The following NSMCE2 variants were observed in gnomAD, a reference collection of about 807,000 sequenced individuals.
The protein encoded by NSMCE2 is NSE2 SUMO ligase component of SMC5/6 complex, also known as E3 SUMO-protein ligase NSE2.
NSMCE2 carries 24 observed loss-of-function variants against 23.8 expected under a neutral mutation model. The observed-to-expected ratio is 1.01, with a 90% CI of 0.73 to 1.42. NSMCE2 has a LOEUF of 1.42. Among genes scored for constraint, NSMCE2 ranks in the 40% most tolerant of loss-of-function variants. The pLI is 0.00. For missense variants in NSMCE2, 284 were observed against 296.5 expected, an observed-to-expected ratio of 0.96 and a Z score of 0.31; for synonymous variants, 92 against 94.1, an observed-to-expected ratio of 0.98 and a Z score of 0.13.
rs1022428228 is a variant in NSMCE2, at chr8:125,366,997, G to C, written c.*112G>C. On this transcript the variant is annotated 3_prime_UTR_variant, in exon 8 of 8. Coordinates refer to ENST00000287437, the MANE Select transcript of NSMCE2 (RefSeq NM_173685.4). ...GACTGGCTGCATAGCATACTTGTTG[G>C]GGGTAAAACTTGTTGCTTTTATGTG... 3 of 644,704 alleles carry C rather than the reference G, an allele frequency of 4.7e-6. No individual in the cohort carries two copies. Among genetic ancestry groups the C allele is most frequent in the African/African-American group, 1.8e-5 (1 of 55,448 alleles). 39.9% of individuals were successfully genotyped at this position (644,704 alleles called of 1,614,324 possible). A position where few individuals can be genotyped will look rare whatever the true frequency, so the allele number is the denominator to read the frequency against.
chr8:125,111,049 AATTG>A (rs1029701054), intron 3 of NSMCE2, among the ~76,000 whole-genome samples: 2 of 152,092 alleles, frequency 1.3e-5, no homozygotes, highest in African/African-American at 2.4e-5. Flanking sequence ...TGATTCATCA[AATTG>A]ATTGAATGAT....
intron 5 of NSMCE2, among the ~76,000 whole-genome samples, chr8:125,251,655 T>C (rs190780560): frequency 6.6e-6 from 1 of 152,358 alleles, no homozygotes; most frequent in East Asian, 1.9e-4. Context: ...CAACCACTTA[T>C]TGGATGCCCG....
chr8:125,116,156 C>G (rs1374269494), intron 3 of NSMCE2, among the ~76,000 whole-genome samples: 1 of 152,166 alleles, frequency 6.6e-6, no homozygotes, highest in East Asian at 1.9e-4. Context: ...ATCAGACATC[C>G]AGTTCTTATT....
At chr8:125,254,629 A>G (rs571576128) in intron 5 of NSMCE2, among the ~76,000 whole-genome samples, 21 of 151,090 alleles carry the variant, frequency 1.4e-4, no homozygotes, top group Non-Finnish European at 2.7e-4. Flanking sequence ...ATAAAGGACT[A>G]TAATTTGATT....
At chr8:125,193,959 T>G (rs905794997) in intron 5 of NSMCE2, among the ~76,000 whole-genome samples, 1 of 152,218 alleles carries the variant, frequency 6.6e-6, no homozygotes, top group African/African-American at 2.4e-5. Flanking sequence ...CCTTGAAATA[T>G]CAGAAAGTGT....
At chr8:125,113,217 G>T (rs1461623813) in intron 3 of NSMCE2, among the ~76,000 whole-genome samples, 1 of 152,064 alleles carries the variant, frequency 6.6e-6, no homozygotes, top group East Asian at 1.9e-4. Flanking sequence ...AACTGTTGTG[G>T]TGGCTCACAC....
intron 4 of NSMCE2, 39 bp downstream of exon 4, chr8:125,151,316 A>G: frequency 9.5e-7 from 1 of 1,048,160 alleles, no homozygotes; most frequent in Non-Finnish European, 1.5e-6. Flanking sequence ...ATTTGGTTAC[A>G]ACTCACTGAC....
intron 5 of NSMCE2, among the ~76,000 whole-genome samples, chr8:125,226,852 T>C (rs548406031): frequency 6.6e-6 from 1 of 152,246 alleles, no homozygotes; most frequent in African/African-American, 2.4e-5. Context: ...GCTTTCTCCC[T>C]TAGTTTCCTC....
chr8:125,196,100 T>G (rs1405017382), intron 5 of NSMCE2, among the ~76,000 whole-genome samples: 1 of 151,860 alleles, frequency 6.6e-6, no homozygotes. Context: ...AGGCTCCTGG[T>G]CTCGACCTCC....
chr8:125,178,824 C>T (rs571500845), intron 4 of NSMCE2, among the ~76,000 whole-genome samples: 12 of 151,952 alleles, frequency 7.9e-5, no homozygotes, highest in African/African-American at 4.8e-5. Context: ...GAGCCGAGAT[C>T]GTGCCACTAC....
chr8:125,303,999 G>C (rs1828660938), intron 5 of NSMCE2, among the ~76,000 whole-genome samples: 1 of 152,146 alleles, frequency 6.6e-6, no homozygotes, highest in African/African-American at 2.4e-5. Flanking sequence ...TGTCAAATTG[G>C]CTTTGTCATA....
chr8:125,151,377 C>T (rs1013910866), intron 4 of NSMCE2, 100 bp downstream of exon 4: 1 of 609,438 alleles, frequency 1.6e-6, no homozygotes, highest in Non-Finnish European at 3.0e-6. Flanking sequence ...TTAATGTTTC[C>T]TTATCCTTAA....
intron 3 of NSMCE2, among the ~76,000 whole-genome samples, chr8:125,111,029 C>T (rs897272385): frequency 6.6e-6 from 1 of 152,072 alleles, no homozygotes; most frequent in African/African-American, 2.4e-5. Flanking sequence ...ACAGTCCTGA[C>T]TCATGGAAGT....
At chr8:125,352,210 G>C (rs1326204455) in intron 5 of NSMCE2, among the ~76,000 whole-genome samples, 1 of 152,086 alleles carries the variant, frequency 6.6e-6, no homozygotes, top group African/African-American at 2.4e-5. Flanking sequence ...GCTGGGCGTG[G>C]TGGCTCACGC....
chr8:125,129,163 A>G (rs1774290287), intron 3 of NSMCE2, among the ~76,000 whole-genome samples: 1 of 152,126 alleles, frequency 6.6e-6, no homozygotes, highest in Non-Finnish European at 1.5e-5. Flanking sequence ...TTTGTTTCTT[A>G]GGTGGGGAGG....
intron 5 of NSMCE2, among the ~76,000 whole-genome samples, chr8:125,306,161 C>T (rs1563774244): frequency 6.6e-6 from 1 of 151,856 alleles, no homozygotes. Flanking sequence ...GACCTCCCAT[C>T]TCTATAAAAA....
intron 5 of NSMCE2, 182 bp downstream of exon 5, chr8:125,182,438 G>T: frequency 1.6e-6 from 1 of 613,940 alleles, no homozygotes; most frequent in East Asian, 2.9e-5. Context: ...AAATCAGCCT[G>T]CTCATTTCTG....
chr8:125,243,014 A>G (rs1005017871), intron 5 of NSMCE2, among the ~76,000 whole-genome samples: 3 of 152,172 alleles, frequency 2.0e-5, no homozygotes, highest in Admixed American at 2.0e-4. Context: ...TATTGGTTAC[A>G]TGTAGACTCT....
intron 1 of NSMCE2, among the ~76,000 whole-genome samples, chr8:125,095,590 C>G: frequency 6.7e-6 from 1 of 150,174 alleles, no homozygotes; most frequent in East Asian, 2.0e-4. Context: ...AAGACCCTGT[C>G]TCAAAAACAA....
Sources: gnomAD v4.1 joint callset for allele counts (sites outside exome capture counted in the v4.1 genomes callset) on GRCh38, gnomAD v4.1.1 for gene constraint, MANE v1.5 for transcripts, NCBI Gene and HGNC (gene_info 2026-07-23, HGNC 2026-07-21) for gene names.